The following TENM4 variants were observed in gnomAD, a reference collection of about 807,000 sequenced individuals.
The protein encoded by TENM4 is teneurin transmembrane protein 4.
In TENM4, 82 loss-of-function variants were observed where a neutral mutation model predicts 243.3. That is an observed-to-expected ratio of 0.34 (90% CI 0.28 to 0.40). TENM4 has a LOEUF of 0.40. TENM4 is among the 10% of genes least tolerant of loss of function. The pLI is 1.00. For synonymous variants in TENM4, 1,412 were observed against 1,456.3 expected, an observed-to-expected ratio of 0.97 and a Z score of 0.69; for missense variants, 3,138 against 3,673.3, an observed-to-expected ratio of 0.85 and a Z score of 3.77.
At chr11:78,674,668 C>T (rs980518001) in intron 30 of TENM4, among the ~76,000 whole-genome samples, 17 of 141,316 alleles carry the variant, frequency 1.2e-4, no homozygotes, top group Admixed American at 2.0e-4. Flanking sequence ...CGAATTCAGA[C>T]GGGGGAGCTC....
chr11:79,369,731 A>G (rs1337939908), intron 1 of TENM4, among the ~76,000 whole-genome samples: 1 of 152,118 alleles, frequency 6.6e-6, no homozygotes, highest in Admixed American at 6.5e-5. Flanking sequence ...ACTTTTATTC[A>G]TCTGTAGACC....
intron 3 of TENM4, among the ~76,000 whole-genome samples, chr11:79,180,804 C>T (rs1863266202): frequency 6.6e-6 from 1 of 150,766 alleles, no homozygotes; most frequent in African/African-American, 2.4e-5. Flanking sequence ...CAGAGTGAGA[C>T]CACATCTCAA....
At chr11:79,363,794 A>G (rs1485306872) in intron 1 of TENM4, among the ~76,000 whole-genome samples, 1 of 152,226 alleles carries the variant, frequency 6.6e-6, no homozygotes, top group East Asian at 1.9e-4. Flanking sequence ...GAAAAAATCT[A>G]TTTTATCCAT....
chr11:79,214,748 A>G (rs577065925), intron 3 of TENM4, among the ~76,000 whole-genome samples: 4 of 152,300 alleles, frequency 2.6e-5, no homozygotes, highest in East Asian at 1.9e-4. Context: ...CACATTTAAG[A>G]GTCAATGTTC....
chr11:78,760,517 T>G, intron 18 of TENM4, among the ~76,000 whole-genome samples: 1 of 152,218 alleles, frequency 6.6e-6, no homozygotes, highest in East Asian at 1.9e-4. Context: ...AAACTTCCCT[T>G]GGATGTCTTG....
chr11:78,672,621 T>C (rs1299651721), intron 30 of TENM4, among the ~76,000 whole-genome samples: 3 of 152,168 alleles, frequency 2.0e-5, no homozygotes, highest in Admixed American at 6.5e-5. Flanking sequence ...GATCTGCATG[T>C]TTTCTAATGT....
chr11:79,303,529 C>T (rs1038537640), intron 1 of TENM4, among the ~76,000 whole-genome samples: 1 of 152,170 alleles, frequency 6.6e-6, no homozygotes, highest in Admixed American at 6.5e-5. Context: ...GTCCTAAGCA[C>T]TTTACAAATA....
intron 1 of TENM4, among the ~76,000 whole-genome samples, chr11:79,315,979 ACCTAATAG>A (rs1856796685): frequency 6.6e-6 from 1 of 152,246 alleles, no homozygotes; most frequent in African/African-American, 2.4e-5. Flanking sequence ...TTTTGCACCA[ACCTAATAG>A]TAAGAGCAAG....
At chr11:79,023,617 T>C (rs1268398692) in intron 6 of TENM4, among the ~76,000 whole-genome samples, 1 of 151,712 alleles carries the variant, frequency 6.6e-6, no homozygotes, top group Non-Finnish European at 1.5e-5. Context: ...AAAAGAGCTA[T>C]CAATTATTTT....
intron 1 of TENM4, among the ~76,000 whole-genome samples, chr11:79,355,337 A>G (rs1215450086): frequency 6.6e-6 from 1 of 152,214 alleles, no homozygotes; most frequent in East Asian, 1.9e-4. Context: ...GTTCAAGACC[A>G]GCCTGGCCAA....
chr11:78,858,194 G>A (rs1858724314), intron 10 of TENM4, among the ~76,000 whole-genome samples: 1 of 152,162 alleles, frequency 6.6e-6, no homozygotes, highest in African/African-American at 2.4e-5. Context: ...AGGAGACAGT[G>A]ACTGTATCAG....
intron 3 of TENM4, among the ~76,000 whole-genome samples, chr11:79,154,880 A>C (rs957653323): frequency 5.3e-5 from 8 of 152,182 alleles, no homozygotes; most frequent in Non-Finnish European, 8.8e-5. Context: ...CAGGGGGCCA[A>C]GCATGCAGTA....
chr11:78,690,873 T>A (rs1353533569), intron 28 of TENM4, among the ~76,000 whole-genome samples: 1 of 152,224 alleles, frequency 6.6e-6, no homozygotes, highest in East Asian at 1.9e-4. Context: ...TCCCTGTACA[T>A]ACTCTTTATT....
chr11:79,062,431 A>G (rs888400461), intron 6 of TENM4, among the ~76,000 whole-genome samples: 1 of 152,198 alleles, frequency 6.6e-6, no homozygotes, highest in Non-Finnish European at 1.5e-5. Flanking sequence ...GTCCCACCAG[A>G]TGCTCTGAGA....
At chr11:79,397,999 C>T (rs141487667) in intron 1 of TENM4, among the ~76,000 whole-genome samples, 332 of 152,086 alleles carry the variant, frequency 2.2e-3, no homozygotes, top group African/African-American at 7.7e-3. Flanking sequence ...TCATTCCCAG[C>T]GAGGAAAAAT....
At chr11:78,910,392 G>A (rs1333404964) in intron 6 of TENM4, among the ~76,000 whole-genome samples, 4 of 152,182 alleles carry the variant, frequency 2.6e-5, no homozygotes, top group Non-Finnish European at 5.9e-5. Context: ...AAATGCCATC[G>A]ACTACCACTG....
At chr11:79,386,468 TA>T (rs1383807644) in intron 1 of TENM4, among the ~76,000 whole-genome samples, 4 of 151,412 alleles carry the variant, frequency 2.6e-5, no homozygotes, top group Admixed American at 1.3e-4. Flanking sequence ...ACTGAGATAA[TA>T]AAAAGGCCAC....
chr11:79,175,391 G>T (rs1462103954), intron 3 of TENM4, among the ~76,000 whole-genome samples: 1 of 152,126 alleles, frequency 6.6e-6, no homozygotes, highest in Admixed American at 6.5e-5. Context: ...TCAGTGCTGG[G>T]TACTCATTGT....
At chr11:79,328,580 G>A (rs573044457) in intron 1 of TENM4, among the ~76,000 whole-genome samples, 1 of 152,098 alleles carries the variant, frequency 6.6e-6, no homozygotes, top group African/African-American at 2.4e-5. Flanking sequence ...TGCCTGGTAA[G>A]AGGCGGTGGC....
Sources: allele counts gnomAD v4.1 joint callset (sites outside exome capture counted in the v4.1 genomes callset), GRCh38; gene constraint gnomAD v4.1.1; transcripts MANE v1.5; gene names NCBI Gene and HGNC (gene_info 2026-07-23, HGNC 2026-07-21).